RIGI: variants seen among roughly 807,000 people sequenced by gnomAD.
RIGI encodes the protein RNA sensor RIG-I, also known as antiviral innate immune response receptor RIG-I.
At chr9:32,515,317 CAA>C in the RIGI span, among the ~76,000 whole-genome samples, 8 of 111,214 alleles carry the variant, frequency 7.2e-5, no homozygotes, top group Admixed American at 1.9e-4. Context: ...GACTCTGTCT[CAA>C]AAAAAAAAAA....
At chr9:32,506,488 G>C in the RIGI span, among the ~76,000 whole-genome samples, 1 of 151,972 alleles carries the variant, frequency 6.6e-6, no homozygotes, top group Non-Finnish European at 1.5e-5. Flanking sequence ...TTTTGTTTTG[G>C]TTATTTCTTA....
the RIGI span, chr9:32,487,867 G>T: frequency 2.7e-6 from 4 of 1,504,772 alleles, no homozygotes; most frequent in South Asian, 1.3e-5. Flanking sequence ...GACATCTTCA[G>T]TGTGGCCATA....
chr9:32,479,947 G>C, the RIGI span, among the ~76,000 whole-genome samples: 3 of 151,152 alleles, frequency 2.0e-5, no homozygotes, highest in Non-Finnish European at 1.5e-5. Context: ...TAAACAAAAA[G>C]AATGCTACTG....
the RIGI span, among the ~76,000 whole-genome samples, chr9:32,480,682 C>T: frequency 6.6e-6 from 1 of 152,168 alleles, no homozygotes; most frequent in African/African-American, 2.4e-5. Flanking sequence ...CCACATCAAC[C>T]TGCCTCATAA....
At chr9:32,488,014 G>A in the RIGI span, 3 of 1,613,916 alleles carry the variant, frequency 1.9e-6, no homozygotes, top group South Asian at 1.1e-5. Flanking sequence ...TATTGTACGG[G>A]TGTTGTTTAC....
At chr9:32,513,058 A>G in the RIGI span, among the ~76,000 whole-genome samples, 1 of 152,004 alleles carries the variant, frequency 6.6e-6, no homozygotes, top group African/African-American at 2.4e-5. Context: ...CCACTGCTCA[A>G]TGAAATAAAA....
At chr9:32,521,139 C>CAAAAAACAAAAAAAAAAAAAAAAAAAA in the RIGI span, among the ~76,000 whole-genome samples, 1 of 32,776 alleles carries the variant, frequency 3.1e-5, no homozygotes, top group Non-Finnish European at 5.6e-5. Context: ...GACACCATCT[C>CAAAAAACAAAAAAAAAAAAAAAAAAAA]AAAAAAAAAA....
the RIGI span, chr9:32,489,321 G>A: frequency 1.3e-6 from 2 of 1,523,466 alleles, no homozygotes; most frequent in African/African-American, 2.8e-5. Flanking sequence ...GAAAAACTAT[G>A]TAAGTAATGG....
chr9:32,456,827 G>C, the RIGI span: 1 of 298,740 alleles, frequency 3.3e-6, no homozygotes, highest in East Asian at 6.8e-5. Context: ...ATCTATCCCA[G>C]TGTGTACAGA....
the RIGI span, among the ~76,000 whole-genome samples, chr9:32,459,737 A>G: frequency 7.2e-5 from 11 of 152,246 alleles, no homozygotes; most frequent in East Asian, 1.9e-4. Context: ...TAGTCTTTCA[A>G]TTTCTTCATC....
the RIGI span, among the ~76,000 whole-genome samples, chr9:32,508,458 G>A: frequency 6.6e-6 from 1 of 151,848 alleles, no homozygotes; most frequent in Non-Finnish European, 1.5e-5. Context: ...GCGAGCTGAA[G>A]CAGGGTAGGG....
At chr9:32,521,797 T>C in the RIGI span, among the ~76,000 whole-genome samples, 4 of 152,158 alleles carry the variant, frequency 2.6e-5, no homozygotes, top group Non-Finnish European at 4.4e-5. Context: ...TATGTCTTAA[T>C]ATATGGTGTC....
At chr9:32,467,937 G>A in the RIGI span, 1 of 1,579,316 alleles carries the variant, frequency 6.3e-7, no homozygotes, top group East Asian at 2.3e-5. Flanking sequence ...TCATTCCTGT[G>A]TCAGAGTAAG....
the RIGI span, among the ~76,000 whole-genome samples, chr9:32,503,748 T>TA: frequency 4.0e-5 from 6 of 151,896 alleles, no homozygotes; most frequent in Non-Finnish European, 5.9e-5. Flanking sequence ...CAAAATACTA[T>TA]AAAAAATCTG....
the RIGI span, among the ~76,000 whole-genome samples, chr9:32,525,740 T>C: frequency 6.6e-6 from 1 of 152,216 alleles, no homozygotes; most frequent in African/African-American, 2.4e-5. Flanking sequence ...TCTCAATCTC[T>C]GTCAGTACCC....
chr9:32,491,173 C>A, the RIGI span: 2 of 1,027,076 alleles, frequency 1.9e-6, no homozygotes, highest in African/African-American at 1.6e-5. Context: ...AACATAAATT[C>A]TCTTTACTTT....
the RIGI span, chr9:32,480,412 T>A: frequency 6.9e-7 from 1 of 1,449,250 alleles, no homozygotes; most frequent in African/African-American, 1.4e-5. Context: ...TTCACTGTAT[T>A]TAAGTTCAAT....
the RIGI span, among the ~76,000 whole-genome samples, chr9:32,520,123 A>AT: frequency 7.2e-4 from 100 of 139,186 alleles, no homozygotes; most frequent in Middle Eastern, 3.9e-3. Flanking sequence ...TGCATTTACC[A>AT]TTTTTTTTTT....
the RIGI span, among the ~76,000 whole-genome samples, chr9:32,476,552 A>G: frequency 4.0e-3 from 613 of 152,254 alleles, 1 homozygote; most frequent in African/African-American, 9.2e-3. Flanking sequence ...GAGTATTAGT[A>G]TAAGGATAAA....
Sources: gnomAD v4.1 joint callset for allele counts (sites outside exome capture counted in the v4.1 genomes callset) on GRCh38, gnomAD v4.1.1 for gene constraint, MANE v1.5 for transcripts, NCBI Gene and HGNC (gene_info 2026-07-23, HGNC 2026-07-21) for gene names.